The following ADGB variants were observed in gnomAD, a reference collection of about 807,000 sequenced individuals.
ADGB encodes the protein androglobin, also known as calpain-7-like protein.
ADGB carries 172 observed loss-of-function variants against 210.5 expected under a neutral mutation model. The observed-to-expected ratio is 0.82, with a 90% CI of 0.72 to 0.93. The LOEUF (loss-of-function observed/expected upper bound fraction) is 0.93. Ranked by LOEUF, ADGB falls within the 40% of genes least tolerant of loss-of-function variation. ADGB has a pLI of 0.00. For missense variants in ADGB, 2,025 were observed against 1,964.8 expected (o/e 1.03, Z -0.58); for synonymous variants, 658 against 662.7 (o/e 0.99, Z 0.11).
chr6:146,767,380 A>T (rs1462210394), intron 28 of ADGB, among the ~76,000 whole-genome samples: 1 of 152,254 alleles, frequency 6.6e-6, no homozygotes, highest in African/African-American at 2.4e-5. Context: ...TGCCAAAGAC[A>T]TTAATAGTAA....
intron 11 of ADGB, among the ~76,000 whole-genome samples, chr6:146,691,568 CAT>C (rs1776329894): frequency 9.0e-6 from 1 of 110,628 alleles, no homozygotes; most frequent in African/African-American, 4.1e-5. Context: ...AGTGCAGTGG[CAT>C]GATCTTGGCT....
intron 33 of ADGB, among the ~76,000 whole-genome samples, chr6:146,794,496 AT>A (rs2114657312): frequency 6.6e-6 from 1 of 152,300 alleles, no homozygotes; most frequent in African/African-American, 2.4e-5. Context: ...TGTTTTTTAT[AT>A]TTTTTAAAAG....
chr6:146,809,782 A>C (rs79124307), intron 35 of ADGB, among the ~76,000 whole-genome samples: 3,287 of 151,426 alleles, frequency 0.022, 104 homozygotes, highest in African/African-American at 0.072. Flanking sequence ...TAAAATAGGA[A>C]CATTGCCCTA....
chr6:146,643,360 C>T (rs944942508), intron 2 of ADGB, among the ~76,000 whole-genome samples: 2 of 151,852 alleles, frequency 1.3e-5, no homozygotes, highest in African/African-American at 4.8e-5. Flanking sequence ...AATCACAAAA[C>T]AGTATTTATT....
chr6:146,724,361 A>G, intron 18 of ADGB, 34 bp downstream of exon 18: 1 of 1,487,786 alleles, frequency 6.7e-7, no homozygotes, highest in Non-Finnish European at 8.9e-7. Flanking sequence ...CATAATAAAA[A>G]TTGTTTGAAG....
At chr6:146,778,675 G>A (rs547219680) in intron 29 of ADGB, among the ~76,000 whole-genome samples, 2 of 152,180 alleles carry the variant, frequency 1.3e-5, no homozygotes, top group South Asian at 4.1e-4. Flanking sequence ...ACTGCTTAGA[G>A]TGTAATCTCA....
chr6:146,642,435 G>C (rs936618125), intron 2 of ADGB, among the ~76,000 whole-genome samples: 1 of 151,902 alleles, frequency 6.6e-6, no homozygotes, highest in Non-Finnish European at 1.5e-5. Context: ...ACATGCATGC[G>C]AGTGTTCATT....
intron 29 of ADGB, among the ~76,000 whole-genome samples, chr6:146,774,164 A>G (rs1562297705): frequency 6.6e-6 from 1 of 152,190 alleles, no homozygotes; most frequent in Non-Finnish European, 1.5e-5. Context: ...CGTCTGTCAG[A>G]TATATATGAC....
At chr6:146,647,334 C>A (rs935858443) in intron 3 of ADGB, among the ~76,000 whole-genome samples, 27 of 151,730 alleles carry the variant, frequency 1.8e-4, no homozygotes, top group African/African-American at 5.6e-4. Context: ...TATTTTAAAG[C>A]CGGTTGCCCA....
chr6:146,731,595 G>C (rs1384099493), intron 20 of ADGB, among the ~76,000 whole-genome samples: 1 of 152,094 alleles, frequency 6.6e-6, no homozygotes, highest in Non-Finnish European at 1.5e-5. Flanking sequence ...GCATTAAAAA[G>C]TGTCCCAGCA....
chr6:146,609,405 T>C (rs1456095663), intron 1 of ADGB, among the ~76,000 whole-genome samples: 1 of 152,234 alleles, frequency 6.6e-6, no homozygotes, highest in Non-Finnish European at 1.5e-5. Context: ...TTTGATTCTG[T>C]CATCAGGTTG....
intron 31 of ADGB, 45 bp downstream of exon 31, chr6:146,784,839 AGGCATGCTCT>A: frequency 6.7e-7 from 1 of 1,502,378 alleles, no homozygotes; most frequent in Non-Finnish European, 8.9e-7. Context: ...TTTCCTCCTT[AGGCATGCTCT>A]GAAAAAAATA....
chr6:146,709,251 T>C (rs1166396522), intron 13 of ADGB, among the ~76,000 whole-genome samples: 2 of 152,192 alleles, frequency 1.3e-5, no homozygotes, highest in African/African-American at 4.8e-5. Context: ...TGCTTTATTT[T>C]GTTCTTTTGG....
chr6:146,752,702 T>A lies in ADGB; in HGVS notation c.3538T>A (p.Leu1180Met). Residue 1180 changes from leucine to methionine, a missense_variant, in exon 27 of 36, where the codon TTG becomes ATG. Leu to Met is a conservative substitution (Grantham distance 15). Transcript: ENST00000397944. Reference sequence around the variant, plus strand: ...TCACTTCTTGAAGAGTGAGAAAGGTTTGAGCTCCCAGTGTAAGTGTACCTT... The same window carrying A: ...TCACTTCTTGAAGAGTGAGAAAGGTATGAGCTCCCAGTGTAAGTGTACCTT... ...AFHFLKSEKG[L>M]SSQSSKHILS... The A allele has an allele frequency of 2.6e-6, 4 of 1,549,564 alleles. No homozygotes were observed. The highest frequency in any genetic ancestry group is 3.5e-6 in the Non-Finnish European group (4 of 1,145,894).
At chr6:146,620,565 G>GT (rs1457580233) in intron 1 of ADGB, among the ~76,000 whole-genome samples, 3 of 151,564 alleles carry the variant, frequency 2.0e-5, no homozygotes, top group Non-Finnish European at 4.4e-5. Context: ...GAGAATATCT[G>GT]TTGTTGAAGC....
chr6:146,765,383 T>C (rs1777556442), intron 28 of ADGB, among the ~76,000 whole-genome samples: 1 of 152,034 alleles, frequency 6.6e-6, no homozygotes, highest in South Asian at 2.1e-4. Context: ...ATCATTTAGA[T>C]ATCTATATGG....
chr6:146,751,282 C>T (rs1015264333), intron 26 of ADGB, among the ~76,000 whole-genome samples: 3 of 152,054 alleles, frequency 2.0e-5, no homozygotes, highest in South Asian at 2.1e-4. Context: ...CTTCCAGCTT[C>T]GTCTATGTGC....
intron 13 of ADGB, among the ~76,000 whole-genome samples, chr6:146,706,170 C>A (rs1252377981): frequency 6.6e-6 from 1 of 152,006 alleles, no homozygotes; most frequent in African/African-American, 2.4e-5. Context: ...AATCCTCCTG[C>A]CTTGGCCTCC....
intron 28 of ADGB, among the ~76,000 whole-genome samples, chr6:146,765,948 A>G (rs907869718): frequency 2.0e-4 from 30 of 152,106 alleles, no homozygotes; most frequent in African/African-American, 7.2e-4. Context: ...ACTTTTAAAG[A>G]TTAATAAAAT....
Sources: gnomAD v4.1 joint callset for allele counts (sites outside exome capture counted in the v4.1 genomes callset) on GRCh38, gnomAD v4.1.1 for gene constraint, MANE v1.5 for transcripts, NCBI Gene and HGNC (gene_info 2026-07-23, HGNC 2026-07-21) for gene names.